PABPC1L: variants seen among roughly 807,000 people sequenced by gnomAD.
PABPC1L encodes polyadenylate-binding protein 1-like.
PABPC1L carries 31 observed loss-of-function variants against 66.6 expected under a neutral mutation model. The observed-to-expected ratio is 0.47, with a 90% CI of 0.35 to 0.63. PABPC1L has a LOEUF of 0.63. PABPC1L is among the 20% of genes least tolerant of loss of function. PABPC1L has a pLI of 0.00. For missense variants in PABPC1L, 722 were observed against 848.8 expected, an observed-to-expected ratio of 0.85 and a Z score of 1.86; for synonymous variants, 348 against 335.1, an observed-to-expected ratio of 1.04 and a Z score of -0.42.
chr20:44,929,568 G>A (rs556925013), intron 7 of PABPC1L, among the ~76,000 whole-genome samples: 41 of 152,236 alleles, frequency 2.7e-4, no homozygotes, highest in Non-Finnish European at 4.1e-4. Context: ...GCTGAGGCAG[G>A]CAGATCACTT....
intron 5 of PABPC1L, among the ~76,000 whole-genome samples, chr20:44,920,529 C>T (rs569198522): frequency 1.6e-4 from 25 of 152,132 alleles, no homozygotes; most frequent in South Asian, 4.2e-4. Flanking sequence ...AATGCAGTGA[C>T]GTGATCTCGG....
Position 44,932,354 on chromosome 20 carries a change from G to A in PABPC1L, c.1252G>A (p.Ala418Thr), listed in dbSNP as rs542942319. 6.2e-7 allele frequency: 1 copy of A among 1,613,140 alleles called. No individual in the cohort carries two copies. Among genetic ancestry groups the A allele is most frequent in the South Asian group, 1.1e-5 (1 of 90,928 alleles). ...TTTTCCCATGCAGCCTCCAGCCCAG[G>A]CTGCATACTATGGCTGTGGCCCAGT... ...LPAMPQPPAQ[A>T]AYYGCGPVTP... The change falls in exon 9 of 15, where the codon GCT becomes ACT. Residue 418 changes from alanine (A) to threonine (T), a missense_variant. By Grantham distance (58) the Ala-to-Thr change is moderately conservative. Around this residue, in one of 3 missense-constraint regions of PABPC1L, gnomAD observed 301 missense variants for 337.2 expected, o/e 0.89. Transcript: ENST00000217073.
chr20:44,914,411 T>G (rs2066725371), intron 2 of PABPC1L, among the ~76,000 whole-genome samples: 1 of 152,060 alleles, frequency 6.6e-6, no homozygotes, highest in Non-Finnish European at 1.5e-5. Flanking sequence ...GGTTTCACCG[T>G]GTTAGCCAGG....
At chr20:44,924,954 C>A (rs1187361196) in intron 7 of PABPC1L, among the ~76,000 whole-genome samples, 2 of 145,030 alleles carry the variant, frequency 1.4e-5, no homozygotes, top group African/African-American at 5.7e-5. Flanking sequence ...TGGCTCACGC[C>A]TGTAATCCCA....
intron 6 of PABPC1L, 25 bp downstream of exon 6, chr20:44,921,756 G>A (rs1389149682): frequency 1.2e-6 from 2 of 1,612,336 alleles, no homozygotes; most frequent in Middle Eastern, 1.7e-4. Flanking sequence ...CCTGGTGGCA[G>A]CCACTTCTGT....
chr20:44,929,731 G>A (rs764881681), intron 7 of PABPC1L, among the ~76,000 whole-genome samples: 1 of 150,488 alleles, frequency 6.6e-6, no homozygotes, highest in African/African-American at 2.5e-5. Context: ...GGAGGCTGAG[G>A]TTGCAGTTAG....
rs1601114283 is a variant in PABPC1L at position 44,923,876 on chromosome 20, A to G, written c.877-285A>G. ...CTCAGCCTGCCACGGGACCTGGGACATCCTCGTGGGCCCCATCTGTGAAAT... is the reference window on the plus strand; with the variant it reads ...CTCAGCCTGCCACGGGACCTGGGACGTCCTCGTGGGCCCCATCTGTGAAAT... On this transcript the variant is annotated intron_variant, in intron 6 of 14. Coordinates refer to ENST00000217073, the MANE Select transcript of PABPC1L (RefSeq NM_001372179.1). Among the ~76,000 whole-genome samples, 5 of 152,194 alleles carry G rather than the reference A, an allele frequency of 3.3e-5. No homozygotes were observed. In the South Asian group the frequency reaches 1.0e-3, roughly 32 times the overall value.
At chr20:44,938,222 G>A (rs2273357) in intron 13 of PABPC1L, 31 bp downstream of exon 13, 147,637 of 1,605,106 alleles carry the variant, frequency 0.092, 7,156 homozygotes, top group East Asian at 0.14. Context: ...CAGGGAGCCC[G>A]AGGGGGCAGG....
At chr20:44,938,834 T>C in intron 14 of PABPC1L, 86 bp downstream of exon 14, 5 of 1,305,896 alleles carry the variant, frequency 3.8e-6, no homozygotes, top group Non-Finnish European at 5.4e-6. Flanking sequence ...ACACTGAGAA[T>C]TGCGCCGTGT....
At chr20:44,913,719 T>C (rs973963314) in intron 2 of PABPC1L, among the ~76,000 whole-genome samples, 1 of 152,072 alleles carries the variant, frequency 6.6e-6, no homozygotes, top group Admixed American at 6.6e-5. Flanking sequence ...TACATTCTAT[T>C]GACCAAAGCA....
At chr20:44,930,776 A>G in intron 8 of PABPC1L, 50 bp downstream of exon 8, 4 of 1,584,344 alleles carry the variant, frequency 2.5e-6, no homozygotes, top group Non-Finnish European at 3.4e-6. Flanking sequence ...CTGCCCCAGC[A>G]AGGCAGAGCA....
In PABPC1L at chr20:44,912,814, T is replaced by C; in HGVS notation, c.348T>C (p.Tyr116=). 6.2e-7 allele frequency: 1 copy of C among 1,614,182 alleles called. No homozygotes were observed. The highest frequency in any genetic ancestry group is 8.5e-7 in the Non-Finnish European group (1 of 1,180,010). Residue 116 remains tyrosine (Y), a synonymous_variant, in exon 2 of 15, where the codon TAT becomes TAC. Transcript: ENST00000217073. Reference sequence around the variant, plus strand: ...ACTCCATTGACAACAAGGCTTTATATGATACCTTCTCCACCTTTGGGAACA... The same window carrying C: ...ACTCCATTGACAACAAGGCTTTATACGATACCTTCTCCACCTTTGGGAACA... ...LEDSIDNKAL[Y]DTFSTFGNIL... is the part of the protein sequence containing the mutation.
chr20:44,930,246 G>A (rs1361623149), intron 7 of PABPC1L, among the ~76,000 whole-genome samples: 2 of 152,022 alleles, frequency 1.3e-5, no homozygotes, highest in African/African-American at 4.8e-5. Flanking sequence ...GGGGGTGCAC[G>A]CTACATCCCT....
At chr20:44,923,093 C>T (rs935904470) in intron 6 of PABPC1L, among the ~76,000 whole-genome samples, 1 of 152,202 alleles carries the variant, frequency 6.6e-6, no homozygotes, top group African/African-American at 2.4e-5. Context: ...TTCTCTTGTA[C>T]ATTCATACAC....
chr20:44,916,494 G>C (rs766145489), intron 2 of PABPC1L, among the ~76,000 whole-genome samples: 4 of 152,060 alleles, frequency 2.6e-5, no homozygotes, highest in Non-Finnish European at 5.9e-5. Flanking sequence ...GGCTGGTCTC[G>C]AACTCCTGAC....
Position 44,936,747 on chromosome 20 carries a change from C to A in PABPC1L, c.1660+17C>A. The A allele has an allele frequency of 6.3e-7, 1 of 1,596,414 alleles. No homozygotes were observed. The highest frequency in any genetic ancestry group is 8.5e-7 in the Non-Finnish European group (1 of 1,172,598). On this transcript the variant is annotated intron_variant, in intron 12 of 14. Transcript: ENST00000217073. ...AGATGATTGGTGAGTGGCTGGTTCTCCTACTGTGGAGCAAGAAGAGGAGGG... is the reference window on the plus strand; with the variant it reads ...AGATGATTGGTGAGTGGCTGGTTCTACTACTGTGGAGCAAGAAGAGGAGGG...
rs764366575 is a variant in PABPC1L at position 44,930,461 on chromosome 20, T to A, written c.974T>A (p.Val325Glu). Reference protein sequence around the residue: ...SPYGVITSAKVMTEGGHSKGF... With the variant: ...SPYGVITSAKEMTEGGHSKGF... ...GCTCTTGTCTTGTCTTGCTTTTAGG[T>A]GATGACAGAGGGTGGCCACAGCAAG... The change falls in exon 8 of 15, where the codon GTG (valine) becomes GAG (glutamate). Residue 325 changes from valine (V) to glutamate (E), a missense_variant and splice_region_variant. Val to Glu is a moderately radical substitution (Grantham distance 121). This residue lies in a region of PABPC1L where 137 missense variants were observed against 216.8 expected (regional missense o/e 0.63). Coordinates refer to ENST00000217073, the MANE Select transcript of PABPC1L (RefSeq NM_001372179.1). 6.2e-7 allele frequency: 1 copy of A among 1,612,202 alleles called. No homozygotes were observed. Among genetic ancestry groups the A allele is most frequent in the Non-Finnish European group, 8.5e-7 (1 of 1,178,818 alleles).
intron 5 of PABPC1L, among the ~76,000 whole-genome samples, 178 bp downstream of exon 5, chr20:44,919,455 T>A (rs943248575): frequency 2.0e-5 from 3 of 152,188 alleles, no homozygotes; most frequent in African/African-American, 7.2e-5. Context: ...AGGGCTTCAT[T>A]CTTTGGTCAC....
At chr20:44,931,053 C>T (rs1265271321) in intron 8 of PABPC1L, among the ~76,000 whole-genome samples, 352 of 23,104 alleles carry the variant, frequency 0.015, 13 homozygotes, top group African/African-American at 0.046. Flanking sequence ...CCCTTCCCTT[C>T]CCTTCCCTTC....
Sources: gnomAD v4.1 joint callset for allele counts (sites outside exome capture counted in the v4.1 genomes callset) on GRCh38, gnomAD v4.1.1 for gene constraint, gnomAD v4.1.1 regional missense constraint, MANE v1.5 for transcripts, NCBI Gene and HGNC (gene_info 2026-07-23, HGNC 2026-07-21) for gene names.